The following NIPA2 variants were observed in gnomAD, a reference collection of about 807,000 sequenced individuals.
NIPA2 encodes the protein NIPA magnesium transporter 2.
NIPA2 carries 11 observed loss-of-function variants against 29.7 expected under a neutral mutation model. The ratio of observed to expected loss-of-function variants is 0.37; its 90% CI spans 0.23 to 0.61. The LOEUF is 0.61. Ranked by LOEUF, NIPA2 falls within the 20% of genes least tolerant of loss-of-function variation. The pLI is 0.66. For synonymous variants in NIPA2, 183 were observed against 161.9 expected, an observed-to-expected ratio of 1.13 and a Z score of -0.99; for missense variants, 426 against 437.9, an observed-to-expected ratio of 0.97 and a Z score of 0.24.
intron 7 of NIPA2, among the ~76,000 whole-genome samples, chr15:22,861,630 A>G (rs2058626929): frequency 6.6e-6 from 1 of 151,972 alleles, no homozygotes; most frequent in Non-Finnish European, 1.5e-5. Context: ...TATGCGACCA[A>G]TTTTTTGTTT....
At chr15:22,850,908 A>G (rs1012076889) in intron 3 of NIPA2, among the ~76,000 whole-genome samples, 10 of 152,118 alleles carry the variant, frequency 6.6e-5, no homozygotes, top group Non-Finnish European at 1.3e-4. Context: ...GCTAAAAACT[A>G]TTTTTTCTCT....
chr15:22,862,498 C>T (rs758323374), intron 7 of NIPA2, among the ~76,000 whole-genome samples: 33 of 152,050 alleles, frequency 2.2e-4, no homozygotes, highest in Middle Eastern at 3.2e-3. Context: ...CCTCATTTTA[C>T]CATTTTGTCT....
chr15:22,859,951 A>G (rs541425940), intron 6 of NIPA2, among the ~76,000 whole-genome samples: 2 of 152,298 alleles, frequency 1.3e-5, no homozygotes, highest in South Asian at 4.1e-4. Context: ...AATTAACAAC[A>G]TAAGAGGGGT....
rs897811360 is a variant in NIPA2 at position 22,866,086 on chromosome 15, A to G, written c.449-127A>G. 31 of 762,206 alleles carry G rather than the reference A, an allele frequency of 4.1e-5. No homozygotes were observed. In the African/African-American group the frequency reaches 5.3e-4, roughly 13 times the overall value. 47.2% of individuals were successfully genotyped at this position (762,206 alleles called of 1,614,324 possible). On this transcript the variant is annotated intron_variant, in intron 7 of 7. Coordinates refer to ENST00000337451, the MANE Select transcript of NIPA2 (RefSeq NM_030922.7). ...GTTGCATTTCTGCTTGGGCTGCAAA[A>G]TAAAGCTGATTTTTATTTCCAGGCC...
At chr15:22,857,706 G>A (rs969392705) in intron 5 of NIPA2, among the ~76,000 whole-genome samples, 3 of 151,602 alleles carry the variant, frequency 2.0e-5, no homozygotes, top group African/African-American at 4.8e-5. Flanking sequence ...GCATGGTGGC[G>A]CCCGCCTGTA....
In NIPA2 at chr15:22,860,891, C is replaced by T; in HGVS notation, c.448+102C>T. 3.7e-6 allele frequency: 3 copies of T among 805,998 alleles called. 1 individual carries two copies. In the South Asian group the frequency reaches 5.4e-5, roughly 15 times the overall value. The allele number at this position is 805,998 out of a possible 1,614,324, so 49.9% of individuals were successfully genotyped here. A position where few individuals can be genotyped will look rare whatever the true frequency, so the allele number is the denominator to read the frequency against. On this transcript the variant is annotated intron_variant, in intron 7 of 7. Transcript: ENST00000337451. The stretch of plus-strand genomic sequence containing the variant: ...CACATAAGGAAAGAAATTGTTCCAC[C>T]TGGTAGAAGAACAAATTGTCGTCAT...
rs781387869 is a variant in NIPA2 at position 22,866,773 on chromosome 15, A to T, written c.1009A>T (p.Ser337Cys). The change falls in exon 8 of 8, where the codon AGC becomes TGC. Residue 337 changes from serine (S) to cysteine (C), a missense_variant. This residue lies in a region of NIPA2 where 357 missense variants were observed against 339.8 expected (regional missense o/e 1.05). Coordinates refer to ENST00000337451, the MANE Select transcript of NIPA2 (RefSeq NM_030922.7). ...TGAAGTTCTTAATAATAATGAAGAA[A>T]GCTTAACCTGTGGAATCGAACAACA... The part of the protein sequence containing the change: ...MYEVLNNNEE[S>C]LTCGIEQHTG... 3 of 1,612,910 alleles carry T rather than the reference A, an allele frequency of 1.9e-6. No homozygotes were observed. In the East Asian group the frequency reaches 6.7e-5, roughly 36 times the overall value.
chr15:22,860,042 T>C (rs1367407548), intron 6 of NIPA2, among the ~76,000 whole-genome samples: 1 of 146,030 alleles, frequency 6.8e-6, no homozygotes, highest in African/African-American at 2.6e-5. Context: ...TTTTTTTTTT[T>C]CCTTTGGAGA....
intron 5 of NIPA2, among the ~76,000 whole-genome samples, chr15:22,856,728 A>AC (rs1313534562): frequency 6.6e-5 from 10 of 152,354 alleles, no homozygotes; most frequent in African/African-American, 2.2e-4. Flanking sequence ...GGGTTAATAA[A>AC]CAAATGAAAA....
intron 6 of NIPA2, among the ~76,000 whole-genome samples, chr15:22,859,298 T>C (rs2141427623): frequency 6.9e-6 from 1 of 145,278 alleles, no homozygotes; most frequent in Admixed American, 6.9e-5. Flanking sequence ...TTCTTTTTTT[T>C]TTTTTTTTTT....
intron 6 of NIPA2, among the ~76,000 whole-genome samples, chr15:22,860,057 G>A (rs1047792906): frequency 2.0e-5 from 3 of 149,264 alleles, no homozygotes; most frequent in African/African-American, 5.0e-5. Flanking sequence ...TGGAGATGGA[G>A]TTTCACTGTG....
chr15:22,854,144 T>A (rs1246606373), intron 5 of NIPA2, among the ~76,000 whole-genome samples: 2 of 151,494 alleles, frequency 1.3e-5, no homozygotes, highest in African/African-American at 4.9e-5. Context: ...TTATTTATTT[T>A]TTGAGACACA....
At chr15:22,840,290 G>GTTTTTTT (rs59421708) in intron 2 of NIPA2, among the ~76,000 whole-genome samples, 14 of 137,808 alleles carry the variant, frequency 1.0e-4, no homozygotes, top group African/African-American at 3.5e-4. Context: ...TCTATATATA[G>GTTTTTTT]TTTTTTTTTT....
At position 22,862,851 on chromosome 15, in the gene NIPA2, T is replaced by C. The variant is rs146746388; in HGVS notation, c.448+2062T>C. Among the ~76,000 whole-genome samples, 100 of 152,088 alleles carry C rather than the reference T, an allele frequency of 6.6e-4. 3 individuals carry two copies. The East Asian group carries it at 0.017, about 26-fold the overall frequency. On this transcript the variant is annotated intron_variant, in intron 7 of 7. Coordinates refer to ENST00000337451, the MANE Select transcript of NIPA2 (RefSeq NM_030922.7). Reference sequence around the variant, plus strand: ...GTAGCTCACCTTCACCCTGAAGGTATTGTTTTAAGCTTTGTTGGGCCTAGT... The same window carrying C: ...GTAGCTCACCTTCACCCTGAAGGTACTGTTTTAAGCTTTGTTGGGCCTAGT...
At chr15:22,840,029 T>G (rs1438870112) in intron 2 of NIPA2, among the ~76,000 whole-genome samples, 1 of 152,102 alleles carries the variant, frequency 6.6e-6, no homozygotes, top group Non-Finnish European at 1.5e-5. Context: ...CAAGTGCTCC[T>G]CCCACCTCAG....
chr15:22,841,657 C>T (rs550021648), intron 2 of NIPA2, among the ~76,000 whole-genome samples: 4 of 152,146 alleles, frequency 2.6e-5, no homozygotes, highest in African/African-American at 9.6e-5. Context: ...TACAGGCGCC[C>T]GCCACCATGC....
chr15:22,840,593 C>T (rs891245921), intron 2 of NIPA2, among the ~76,000 whole-genome samples: 1 of 152,168 alleles, frequency 6.6e-6, no homozygotes, highest in Non-Finnish European at 1.5e-5. Flanking sequence ...AGCCACCGCG[C>T]CCGACCTAAG....
At position 22,851,717 on chromosome 15, in the gene NIPA2, TA is replaced by T; in HGVS notation, c.-13del. ...ATCAATGTGATTCACAGGAACTCCT[TA>T]AGTAACAAACGAAATGAGCCAGGGG... On this transcript the variant is annotated 5_prime_UTR_variant, in exon 4 of 8. Coordinates refer to ENST00000337451, the MANE Select transcript of NIPA2 (RefSeq NM_030922.7). 1.2e-6 allele frequency: 2 copies of T among 1,604,118 alleles called. No homozygotes were observed. The highest frequency in any genetic ancestry group is 1.7e-6 in the Non-Finnish European group (2 of 1,176,834).
In NIPA2 at chr15:22,860,779, A is replaced by G; in HGVS notation, c.438A>G (p.Leu146=). The change falls in exon 7 of 8, where the codon CTA becomes CTG. Residue 146 remains leucine (L), a synonymous_variant. Transcript: ENST00000337451. ...IETLNEMSHK[L]GDPGFVVFAT... is the part of the protein sequence containing the mutation. ...CTTTAAATGAAATGTCTCACAAGCT[A>G]GGTGATCCAGGTAAGAAAAAAGTCT... 2 of 1,589,318 alleles carry G rather than the reference A, an allele frequency of 1.3e-6. No homozygotes were observed. The highest frequency in any genetic ancestry group is 1.7e-6 in the Non-Finnish European group (2 of 1,173,094).
Sources: allele counts gnomAD v4.1 joint callset (sites outside exome capture counted in the v4.1 genomes callset), GRCh38; gene constraint gnomAD v4.1.1; regional missense constraint gnomAD v4.1.1; transcripts MANE v1.5; gene names NCBI Gene and HGNC (gene_info 2026-07-23, HGNC 2026-07-21).